The following ZFYVE9 variants were observed in gnomAD, a reference collection of about 807,000 sequenced individuals.
ZFYVE9 encodes zinc finger FYVE-type containing 9.
ZFYVE9 carries 43 observed loss-of-function variants against 126.7 expected under a neutral mutation model. The ratio of observed to expected loss-of-function variants is 0.34; its 90% CI spans 0.27 to 0.44. ZFYVE9 has a LOEUF of 0.44. ZFYVE9 is among the 20% of genes least tolerant of loss of function. The probability of loss-of-function intolerance (pLI) is 1.00; values close to 1 mark genes in which losing one functional copy is unlikely to be tolerated. For missense variants in ZFYVE9, 1,476 were observed against 1,697.0 expected (o/e 0.87, Z 2.29); for synonymous variants, 521 against 597.4 (o/e 0.87, Z 1.87).
chr1:52,312,709 A>T (rs959456870), intron 13 of ZFYVE9, among the ~76,000 whole-genome samples: 3 of 152,204 alleles, frequency 2.0e-5, no homozygotes, highest in Non-Finnish European at 2.9e-5. Context: ...AAGAGTGACT[A>T]TTGAAGTAAG....
At chr1:52,217,752 G>A (rs1464051354) in intron 2 of ZFYVE9, among the ~76,000 whole-genome samples, 3 of 152,170 alleles carry the variant, frequency 2.0e-5, no homozygotes, top group African/African-American at 7.2e-5. Context: ...TGCTAGGGTG[G>A]TAAGGCCTTG....
intron 1 of ZFYVE9, among the ~76,000 whole-genome samples, chr1:52,196,199 GC>G (rs1211977772): frequency 6.6e-6 from 1 of 152,174 alleles, no homozygotes; most frequent in Non-Finnish European, 1.5e-5. Context: ...CTTACCATAT[GC>G]CATGTTACAA....
chr1:52,161,283 ATGTAT>A (rs1644455216), intron 1 of ZFYVE9, among the ~76,000 whole-genome samples: 2 of 152,012 alleles, frequency 1.3e-5, no homozygotes, highest in African/African-American at 2.4e-5. Context: ...GTTTTGACAG[ATGTAT>A]TTTATTTTAT....
chr1:52,269,179 C>T (rs959672501), intron 7 of ZFYVE9, among the ~76,000 whole-genome samples: 1 of 152,044 alleles, frequency 6.6e-6, no homozygotes, highest in African/African-American at 2.4e-5. Context: ...GCCCGGGCTG[C>T]AGTACAGTGG....
At chr1:52,263,752 T>TGGGGGG in intron 4 of ZFYVE9, 21 bp from the exon 5 acceptor site, 1 of 975,012 alleles carries the variant, frequency 1.0e-6, no homozygotes, top group Non-Finnish European at 1.5e-6. Context: ...TTGTGTGTTC[T>TGGGGGG]TCCCCCCCCC....
chr1:52,218,291 G>A (rs1645091395), intron 2 of ZFYVE9, among the ~76,000 whole-genome samples: 1 of 152,162 alleles, frequency 6.6e-6, no homozygotes, highest in Non-Finnish European at 1.5e-5. Context: ...ATCCTCTCGG[G>A]GATGGACTAG....
In ZFYVE9 at chr1:52,198,110, G is replaced by GTTTTTTTTT. The variant is rs1329262004; in HGVS notation, c.-142-18258_-142-18250dup. ...GGTTGTCATTAAATAATATTGTAGT[G>GTTTTTTTTT]TTTTTTTTTGTTTGTTTTTTTTTTT... On this transcript the variant is annotated intron_variant, in intron 1 of 18. Coordinates refer to ENST00000287727, the MANE Select transcript of ZFYVE9 (RefSeq NM_004799.4). 2.5e-4 allele frequency among the ~76,000 whole-genome samples: 10 copies of GTTTTTTTTT among 40,032 alleles called. 1 individual carries two copies. Among genetic ancestry groups the GTTTTTTTTT allele is most frequent in the African/African-American group, 5.8e-4 (10 of 17,376 alleles). The allele number at this position is 40,032 out of a possible 152,430, so 26.3% of individuals were successfully genotyped here. A position where few individuals can be genotyped will look rare whatever the true frequency, so the allele number is the denominator to read the frequency against.
chr1:52,157,380 T>A (rs947826406), intron 1 of ZFYVE9, among the ~76,000 whole-genome samples: 1 of 145,286 alleles, frequency 6.9e-6, no homozygotes, highest in Non-Finnish European at 1.5e-5. Flanking sequence ...TTTTTCCTTA[T>A]GGCACCATAT....
chr1:52,331,120 C>T (rs1470078466), intron 13 of ZFYVE9, among the ~76,000 whole-genome samples: 4 of 152,170 alleles, frequency 2.6e-5, no homozygotes, highest in South Asian at 2.1e-4. Context: ...TCACCCACCT[C>T]GGCCTCCTAA....
chr1:52,322,143 C>T (rs1163701513), intron 13 of ZFYVE9, among the ~76,000 whole-genome samples: 1 of 152,150 alleles, frequency 6.6e-6, no homozygotes, highest in Admixed American at 6.6e-5. Context: ...TCCAGTTACC[C>T]AAGCCCAAAA....
intron 13 of ZFYVE9, among the ~76,000 whole-genome samples, chr1:52,331,134 G>T (rs941786994): frequency 6.6e-6 from 1 of 152,122 alleles, no homozygotes; most frequent in African/African-American, 2.4e-5. Flanking sequence ...CTCCTAAAGT[G>T]CTGGGATTAC....
rs56340178 is a variant in ZFYVE9 at position 52,219,749 on chromosome 1, T to TTGTGTGTGTGTGTGTG, written c.-37+3314_-37+3329dup. On this transcript the variant is annotated intron_variant, in intron 2 of 18. Coordinates refer to ENST00000287727, the MANE Select transcript of ZFYVE9 (RefSeq NM_004799.4). ...ATAGAGCATTTCAGGCCAAGATCTT[T>TTGTGTGTGTGTGTGTG]TGTGTGTGTGTGTGTGTGTGTGTGT... 4.0e-4 allele frequency among the ~76,000 whole-genome samples: 45 copies of TTGTGTGTGTGTGTGTG among 113,342 alleles called. 1 individual carries two copies. Among genetic ancestry groups the TTGTGTGTGTGTGTGTG allele is most frequent in the East Asian group, 2.2e-3 (8 of 3,638 alleles). 74.4% of individuals were successfully genotyped at this position (113,342 alleles called of 152,430 possible).
At chr1:52,236,418 A>G (rs947534241) in intron 3 of ZFYVE9, among the ~76,000 whole-genome samples, 4 of 152,190 alleles carry the variant, frequency 2.6e-5, no homozygotes, top group Non-Finnish European at 5.9e-5. Flanking sequence ...CACATTGAAG[A>G]TTAATGTTAC....
chr1:52,177,483 G>T (rs1204927182), intron 1 of ZFYVE9, among the ~76,000 whole-genome samples: 1 of 152,124 alleles, frequency 6.6e-6, no homozygotes. Context: ...TTGTCTGGGA[G>T]ATCTGTCCAG....
chr1:52,337,270 A>G (rs1478450476), intron 15 of ZFYVE9, among the ~76,000 whole-genome samples: 3 of 152,220 alleles, frequency 2.0e-5, no homozygotes, highest in Non-Finnish European at 2.9e-5. Context: ...GGTAGCCCAT[A>G]TGAAACTCTG....
intron 1 of ZFYVE9, among the ~76,000 whole-genome samples, chr1:52,196,858 G>A (rs1644865452): frequency 6.6e-6 from 1 of 151,748 alleles, no homozygotes; most frequent in South Asian, 2.1e-4. Flanking sequence ...AGAGAAGTAA[G>A]CAAAAAAGAA....
At chr1:52,172,770 A>G (rs1644585767) in intron 1 of ZFYVE9, among the ~76,000 whole-genome samples, 1 of 150,912 alleles carries the variant, frequency 6.6e-6, no homozygotes, top group Non-Finnish European at 1.5e-5. Context: ...GCAATTGTGA[A>G]TGGGAGTTCA....
chr1:52,215,558 A>T (rs1645064257), intron 1 of ZFYVE9, among the ~76,000 whole-genome samples: 1 of 152,178 alleles, frequency 6.6e-6, no homozygotes, highest in African/African-American at 2.4e-5. Flanking sequence ...ATTATCTCCA[A>T]GATACTTACG....
At chr1:52,224,055 T>G (rs1337228515) in intron 2 of ZFYVE9, among the ~76,000 whole-genome samples, 2 of 152,130 alleles carry the variant, frequency 1.3e-5, no homozygotes, top group Non-Finnish European at 2.9e-5. Context: ...TCTGAACTAG[T>G]TAAGGGGGCA....
Sources: gnomAD v4.1 joint callset for allele counts (sites outside exome capture counted in the v4.1 genomes callset) on GRCh38, gnomAD v4.1.1 for gene constraint, MANE v1.5 for transcripts, NCBI Gene and HGNC (gene_info 2026-07-23, HGNC 2026-07-21) for gene names.